MYO9A: variants seen among roughly 807,000 people sequenced by gnomAD.
MYO9A encodes unconventional myosin-IXa.
Under a neutral mutation model 293.3 loss-of-function variants are expected in MYO9A, and 103 were observed. The ratio of observed to expected loss-of-function variants is 0.35; its 90% CI spans 0.30 to 0.41. The LOEUF is 0.41. Among genes scored for constraint, MYO9A ranks in the 10% least tolerant of loss-of-function variants. The pLI, the probability that MYO9A is intolerant of heterozygous loss-of-function variation, is 1.00. For missense variants in MYO9A, 2,685 were observed against 3,033.0 expected (o/e 0.89, Z 2.69); for synonymous variants, 1,001 against 1,035.7 (o/e 0.97, Z 0.64).
intron 33 of MYO9A, among the ~76,000 whole-genome samples, chr15:71,861,679 T>TAAAAAAAAAAAAAAAAAA (rs66598621): frequency 1.2e-5 from 1 of 82,928 alleles, no homozygotes; most frequent in Non-Finnish European, 2.6e-5. Flanking sequence ...ACTGATGATA[T>TAAAAAAAAAAAAAAAAAA]AAAAAAAAAA....
intron 1 of MYO9A, among the ~76,000 whole-genome samples, chr15:72,065,273 T>C (rs955118288): frequency 3.9e-5 from 6 of 152,116 alleles, no homozygotes; most frequent in Non-Finnish European, 8.8e-5. Flanking sequence ...CCCAGCACTT[T>C]GGGAGGCCGA....
chr15:71,973,010 T>C (rs1042714164), intron 12 of MYO9A, among the ~76,000 whole-genome samples: 2 of 152,204 alleles, frequency 1.3e-5, no homozygotes, highest in East Asian at 3.8e-4. Context: ...AATAATCCCT[T>C]AATTATTGTT....
chr15:71,932,269 G>A (rs2058498299), intron 18 of MYO9A, among the ~76,000 whole-genome samples: 1 of 152,008 alleles, frequency 6.6e-6, no homozygotes, highest in African/African-American at 2.4e-5. Flanking sequence ...CATCTTGGGG[G>A]AAAAAAGTGG....
At chr15:71,955,289 G>A (rs749120194) in intron 14 of MYO9A, among the ~76,000 whole-genome samples, 20 of 151,976 alleles carry the variant, frequency 1.3e-4, no homozygotes, top group East Asian at 5.8e-4. Context: ...CACCAAGCCC[G>A]GCTAAATTTT....
In MYO9A at chr15:72,050,138, G is replaced by A. The variant is rs1197600812; in HGVS notation, c.-71-3504C>T. ...TATCTTTGTTATTTTATCAATTACT[G>A]CTTTGTGGGTTTTTTTGTTTTGTTT... On this transcript the variant is annotated intron_variant, in intron 1 of 41. Coordinates refer to ENST00000356056, the MANE Select transcript of MYO9A (RefSeq NM_006901.4). 9.9e-5 allele frequency among the ~76,000 whole-genome samples: 15 copies of A among 151,628 alleles called. 1 individual carries two copies. The highest frequency in any genetic ancestry group is 9.8e-4 in the Admixed American group (15 of 15,236).
intron 26 of MYO9A, chr15:71,891,465 G>C (rs890652328): frequency 1.3e-5 from 2 of 152,134 alleles, no homozygotes; most frequent in Non-Finnish European, 2.9e-5. Flanking sequence ...ATAAATCTAT[G>C]TATACTAGAC....
chr15:72,074,601 TA>T (rs2079289301), intron 1 of MYO9A, among the ~76,000 whole-genome samples: 1 of 152,190 alleles, frequency 6.6e-6, no homozygotes, highest in Non-Finnish European at 1.5e-5. Context: ...CAAAACAACC[TA>T]AAAATTCTTC....
rs2077489348 is a variant in MYO9A at position 72,021,082 on chromosome 15, A to AG, written c.999-66dup. 8 of 993,168 alleles carry AG rather than the reference A, an allele frequency of 8.1e-6. No individual in the cohort carries two copies. In the South Asian group the frequency reaches 1.1e-4, roughly 14 times the overall value. The allele number at this position is 993,168 out of a possible 1,614,324, so 61.5% of individuals were successfully genotyped here. A position where few individuals can be genotyped will look rare whatever the true frequency, so the allele number is the denominator to read the frequency against. On this transcript the variant is annotated intron_variant, in intron 4 of 41. Transcript: ENST00000356056. ...CTTATGGTTATCATTTAACAGGGGG[A>AG]GGGGGGAAGCAAACAGTAATTAGTA...
At chr15:72,102,040 A>C (rs1210311090) in intron 1 of MYO9A, among the ~76,000 whole-genome samples, 3 of 151,110 alleles carry the variant, frequency 2.0e-5, no homozygotes, top group Non-Finnish European at 4.4e-5. Context: ...GCTTTGTGGA[A>C]TAGAAAGGCG....
intron 5 of MYO9A, among the ~76,000 whole-genome samples, chr15:72,019,853 G>A (rs1396884002): frequency 2.6e-5 from 4 of 152,216 alleles, no homozygotes; most frequent in Admixed American, 2.0e-4. Context: ...GGGTTGAAGC[G>A]ATTCTCGTGC....
In MYO9A at chr15:71,910,168, G is replaced by GTGTATATATATATATATATATA. The variant is rs56277057; in HGVS notation, c.2686-5163_2686-5162insTATATATATATATATATATACA. On this transcript the variant is annotated intron_variant, in intron 19 of 41. Coordinates refer to ENST00000356056, the MANE Select transcript of MYO9A (RefSeq NM_006901.4). ...CGTGTGTGTGTATATATATATACGT[G>GTGTATATATATATATATATATA]TATATATATATATAAAATCAGAAAC... Among the ~76,000 whole-genome samples the GTGTATATATATATATATATATA allele has an allele frequency of 5.1e-3, 652 of 128,272 alleles. 18 individuals are homozygous for GTGTATATATATATATATATATA. In the East Asian group the frequency reaches 0.058, roughly 11 times the overall value. The allele number at this position is 128,272 out of a possible 152,430, so 84.2% of individuals were successfully genotyped here.
chr15:72,052,428 T>C (rs1004253820), intron 1 of MYO9A, among the ~76,000 whole-genome samples: 2 of 152,190 alleles, frequency 1.3e-5, no homozygotes, highest in Admixed American at 6.5e-5. Context: ...TCGTTCTTCC[T>C]GGGTACAGAA....
chr15:72,096,573 C>A (rs2150736568), intron 1 of MYO9A, among the ~76,000 whole-genome samples: 1 of 152,286 alleles, frequency 6.6e-6, no homozygotes, highest in East Asian at 1.9e-4. Flanking sequence ...TAATGTTTTC[C>A]CACCTGCTAA....
intron 1 of MYO9A, among the ~76,000 whole-genome samples, chr15:72,052,508 C>T (rs2078596356): frequency 6.6e-6 from 1 of 152,228 alleles, no homozygotes; most frequent in Non-Finnish European, 1.5e-5. Context: ...AAATACGCCC[C>T]TTGTTCGTCC....
chr15:72,013,625 A>G (rs1200400620), intron 6 of MYO9A, among the ~76,000 whole-genome samples: 1 of 152,188 alleles, frequency 6.6e-6, no homozygotes, highest in Non-Finnish European at 1.5e-5. Context: ...TCATGCTATC[A>G]GACCTTGCTC....
intron 2 of MYO9A, among the ~76,000 whole-genome samples, chr15:72,044,366 A>G (rs2078319103): frequency 6.6e-6 from 1 of 151,678 alleles, no homozygotes; most frequent in African/African-American, 2.4e-5. Context: ...AGACCGCACC[A>G]TTGCACTCCA....
At chr15:71,920,870 C>T (rs765797027) in intron 18 of MYO9A, among the ~76,000 whole-genome samples, 14 of 152,054 alleles carry the variant, frequency 9.2e-5, no homozygotes, top group Non-Finnish European at 1.8e-4. Flanking sequence ...CTGCTTGAAC[C>T]CAAGAGGCAA....
At chr15:71,940,557 T>A (rs1552134) in intron 15 of MYO9A, among the ~76,000 whole-genome samples, 99,707 of 151,248 alleles carry the variant, frequency 0.66, 33,604 homozygotes, top group Middle Eastern at 0.74. Flanking sequence ...ATGAAATTTT[T>A]AAAAGTATAA....
rs186751806 is a variant in MYO9A at position 72,103,466 on chromosome 15, A to T, written c.-72+14214T>A. Among the ~76,000 whole-genome samples, 212 of 151,568 alleles carry T rather than the reference A, an allele frequency of 1.4e-3. 1 individual carries two copies. Among genetic ancestry groups the T allele is most frequent in the African/African-American group, 4.7e-3 (194 of 41,372 alleles). ...CAGAAGCAGCAGCAGAAGAAGAAGC[A>T]GCAGCAGAAGCAGAAGCAGCGCAGA... On this transcript the variant is annotated intron_variant, in intron 1 of 41. Coordinates refer to ENST00000356056, the MANE Select transcript of MYO9A (RefSeq NM_006901.4).
Sources: allele counts gnomAD v4.1 joint callset (sites outside exome capture counted in the v4.1 genomes callset), GRCh38; gene constraint gnomAD v4.1.1; transcripts MANE v1.5; gene names NCBI Gene and HGNC (gene_info 2026-07-23, HGNC 2026-07-21).